DTNA: variants seen among roughly 807,000 people sequenced by gnomAD.
The protein encoded by DTNA is dystrophin-related protein 3.
In DTNA, 43 loss-of-function variants were observed where a neutral mutation model predicts 100.7. The observed-to-expected ratio is 0.43, with a 90% confidence interval of 0.33 to 0.55. The LOEUF is 0.55. Among genes scored for constraint, DTNA ranks in the 20% least tolerant of loss-of-function variants. The pLI is 0.04. For synonymous variants in DTNA, 349 were observed against 347.9 expected (o/e 1.00, Z -0.04); for missense variants, 798 against 953.9 (o/e 0.84, Z 2.15).
chr18:34,628,831 T>C (rs150061088), intron 1 of DTNA, among the ~76,000 whole-genome samples: 1 of 152,312 alleles, frequency 6.6e-6, no homozygotes, highest in East Asian at 1.9e-4. Context: ...ACACACCTTA[T>C]ACCTACCATA....
chr18:34,824,245 G>A lies in DTNA; in HGVS notation c.1001+3330G>A, dbSNP rs147201232. On this transcript the variant is annotated intron_variant, in intron 9 of 22. Transcript: ENST00000444659. ...AATCCCAGCACTTGGGGAGGCTGAG[G>A]CGGGCGGATCACGAGGTCAGGAGAT... 1.4e-4 allele frequency among the ~76,000 whole-genome samples: 21 copies of A among 152,278 alleles called. No homozygotes were observed. In the East Asian group the frequency reaches 4.1e-3, roughly 29 times the overall value.
At chr18:34,836,381 G>A (rs147551891) in intron 11 of DTNA, among the ~76,000 whole-genome samples, 81 of 152,212 alleles carry the variant, frequency 5.3e-4, no homozygotes, top group African/African-American at 1.6e-3. Flanking sequence ...GGCCGAGCAC[G>A]GTGGCTCACA....
chr18:34,511,031 A>G (rs1007028002), intron 1 of DTNA, among the ~76,000 whole-genome samples: 6 of 152,026 alleles, frequency 3.9e-5, no homozygotes, highest in African/African-American at 1.2e-4. Flanking sequence ...ATCCTCATTT[A>G]TAAATTCAGA....
chr18:34,504,458 C>T (rs1363659006), intron 1 of DTNA, among the ~76,000 whole-genome samples: 2 of 152,088 alleles, frequency 1.3e-5, no homozygotes, highest in Non-Finnish European at 2.9e-5. Flanking sequence ...TCTAACCTTT[C>T]TTCTTTTATT....
chr18:34,644,830 T>G (rs2059660973), intron 1 of DTNA, among the ~76,000 whole-genome samples: 1 of 152,120 alleles, frequency 6.6e-6, no homozygotes. Context: ...AATCCATTAT[T>G]ACAATAAATA....
intron 1 of DTNA, among the ~76,000 whole-genome samples, chr18:34,603,767 C>T (rs1047396109): frequency 6.6e-6 from 1 of 152,084 alleles, no homozygotes; most frequent in Non-Finnish European, 1.5e-5. Flanking sequence ...GATCACACAT[C>T]GTTAAATTTA....
chr18:34,890,619 A>C lies in DTNA; in HGVS notation c.*2885A>C, dbSNP rs2096960263. ...CTCCACAGCGCCATATTAATGGAGG[A>C]GGGGAGGAAGGTGAAATCTACTGCA... is the stretch of plus-strand genomic sequence containing the variant. On this transcript the variant is annotated 3_prime_UTR_variant, in exon 23 of 23. Coordinates refer to ENST00000444659, the MANE Select transcript of DTNA (RefSeq NM_001386795.1). 1.0e-6 allele frequency: 1 copy of C among 966,660 alleles called. No individual in the cohort carries two copies. Among genetic ancestry groups the C allele is most frequent in the Non-Finnish European group, 1.5e-6 (1 of 675,082 alleles). 59.9% of individuals were successfully genotyped at this position (966,660 alleles called of 1,614,324 possible). A position where few individuals can be genotyped will look rare whatever the true frequency, so the allele number is the denominator to read the frequency against.
intron 1 of DTNA, chr18:34,494,055 C>G (rs1307553518): frequency 6.6e-6 from 1 of 151,164 alleles, no homozygotes; most frequent in Non-Finnish European, 1.5e-5. Context: ...GCCTTCGCAG[C>G]GCCGCAGCCC....
In DTNA at chr18:34,851,887, G is replaced by A. The variant is rs397517444; in HGVS notation, c.1491G>A (p.Lys497=). The change falls in exon 15 of 23, where the codon AAG becomes AAA. Residue 497 remains lysine (K), a synonymous_variant. Transcript: ENST00000444659. ...PDISFTIDAN[K]QQRQLIAELE... The stretch of plus-strand genomic sequence containing the variant: ...TCTCTTTCACCATCGATGCGAATAA[G>A]CAGCAAAGGCAGCTGATTGCTGAGC... 1.1e-5 allele frequency: 17 copies of A among 1,613,944 alleles called. No homozygotes were observed. Among genetic ancestry groups the A allele is most frequent in the African/African-American group, 1.3e-5 (1 of 74,938 alleles).
intron 1 of DTNA, among the ~76,000 whole-genome samples, chr18:34,710,733 A>G (rs1183310816): frequency 6.6e-6 from 1 of 152,032 alleles, no homozygotes; most frequent in African/African-American, 2.4e-5. Context: ...AAAGGAAGTA[A>G]TAAGAATGCA....
At chr18:34,682,854 C>T (rs1600132686) in intron 1 of DTNA, among the ~76,000 whole-genome samples, 2 of 152,034 alleles carry the variant, frequency 1.3e-5, no homozygotes, top group African/African-American at 4.8e-5. Flanking sequence ...AAAAATTAAA[C>T]TTAATATATT....
intron 1 of DTNA, among the ~76,000 whole-genome samples, chr18:34,693,384 T>C (rs1281001269): frequency 6.6e-6 from 1 of 152,072 alleles, no homozygotes; most frequent in Non-Finnish European, 1.5e-5. Context: ...AATTTTTAGT[T>C]TGAGGAAATT....
intron 1 of DTNA, among the ~76,000 whole-genome samples, chr18:34,633,754 C>T (rs537898717): frequency 3.9e-5 from 6 of 152,316 alleles, no homozygotes; most frequent in Middle Eastern, 3.4e-3. Flanking sequence ...CCAAGGATAT[C>T]CATGCCTGAA....
At chr18:34,520,319 T>C (rs1300501837) in intron 1 of DTNA, among the ~76,000 whole-genome samples, 9 of 152,084 alleles carry the variant, frequency 5.9e-5, no homozygotes, top group Non-Finnish European at 1.3e-4. Flanking sequence ...GAAGATTGAG[T>C]CACTTGACCC....
intron 4 of DTNA, among the ~76,000 whole-genome samples, chr18:34,801,579 T>G (rs1219463128): frequency 6.6e-6 from 1 of 151,626 alleles, no homozygotes; most frequent in Non-Finnish European, 1.5e-5. Flanking sequence ...GGCGCGATCT[T>G]GGCTCACTGC....
intron 1 of DTNA, chr18:34,493,789 G>C (rs1390306305): frequency 6.7e-6 from 1 of 148,970 alleles, no homozygotes; most frequent in Non-Finnish European, 1.5e-5. Context: ...GCAAAGTCAA[G>C]AGTGGAAGCG....
chr18:34,668,630 T>C (rs901674488), intron 1 of DTNA, among the ~76,000 whole-genome samples: 44 of 152,360 alleles, frequency 2.9e-4, no homozygotes, highest in African/African-American at 1.0e-3. Context: ...GTTTTGTCTT[T>C]GTTCTCGTTG....
intron 3 of DTNA, among the ~76,000 whole-genome samples, chr18:34,766,486 A>ACATGGG (rs148262930): frequency 3.1e-4 from 1 of 3,224 alleles, no homozygotes; most frequent in East Asian, 0.17. Flanking sequence ...CAATGAGAAC[A>ACATGGG]CACAGGAAGG....
chr18:34,826,795 G>T (rs575870288), intron 9 of DTNA, among the ~76,000 whole-genome samples: 1 of 152,074 alleles, frequency 6.6e-6, no homozygotes, highest in African/African-American at 2.4e-5. Context: ...GCTTGGAGAT[G>T]AGATAGGGAT....
Sources: allele counts gnomAD v4.1 joint callset (sites outside exome capture counted in the v4.1 genomes callset), GRCh38; gene constraint gnomAD v4.1.1; transcripts MANE v1.5; gene names NCBI Gene and HGNC (gene_info 2026-07-23, HGNC 2026-07-21).